The following DMD variants were observed in gnomAD, a reference collection of about 807,000 sequenced individuals.
DMD encodes mutant dystrophin.
DMD carries 63 observed loss-of-function variants against 330.1 expected under a neutral mutation model. The ratio of observed to expected loss-of-function variants is 0.19; its 90% confidence interval spans 0.16 to 0.24. The LOEUF (loss-of-function observed/expected upper bound fraction) is 0.24. DMD is among the 10% of genes least tolerant of loss of function. The pLI, the probability that DMD is intolerant of heterozygous loss-of-function variation, is 1.00. For synonymous variants in DMD, 1,223 were observed against 959.8 expected (o/e 1.27, Z -5.07); for missense variants, 3,344 against 2,684.1 (o/e 1.25, Z -5.43).
chrX:31,788,881 TG>T (rs1347117720), intron 50 of DMD, among the ~76,000 whole-genome samples: 2 of 111,053 alleles, frequency 1.8e-5, no homozygotes, highest in Admixed American at 9.6e-5. Context: ...AATAGAAGTA[TG>T]GCTATCCCCA....
At chrX:32,470,920 TA>T (rs1366887842) in intron 22 of DMD, among the ~76,000 whole-genome samples, 5 of 112,291 alleles carry the variant, frequency 4.5e-5, no homozygotes, top group African/African-American at 1.6e-4. Flanking sequence ...TAAATATAAC[TA>T]ATACGTTTTC....
In DMD at chrX:32,217,059, A is replaced by C. The variant is rs1405580642; in HGVS notation, c.6295T>G (p.Phe2099Val). ...NKMYKDRQGRFDRSVEKWRRF... is the reference protein window; with the variant it reads ...NKMYKDRQGRVDRSVEKWRRF... Reference sequence around the variant, plus strand: ...CGCCATTTCTCAACAGATCTGTCAAATCGCCTGCAGGTAAAAGCATATGGA... The same window carrying C: ...CGCCATTTCTCAACAGATCTGTCAACTCGCCTGCAGGTAAAAGCATATGGA... Residue 2099 changes from phenylalanine (F) to valine (V), a missense_variant, in exon 44 of 79, where the codon TTT (phenylalanine) becomes GTT (valine). Physicochemically the swap from Phe to Val is conservative, Grantham distance 50. Transcript: ENST00000357033. 1.7e-6 allele frequency: 2 copies of C among 1,207,082 alleles called. No homozygotes were observed. The highest frequency in any genetic ancestry group is 4.6e-4 in the Middle Eastern group (2 of 4,336).
At chrX:32,661,480 T>A (rs944743714) in intron 9 of DMD, among the ~76,000 whole-genome samples, 2 of 111,807 alleles carry the variant, frequency 1.8e-5, no homozygotes, top group African/African-American at 6.5e-5. Context: ...AGTATCTGTC[T>A]CACGAAATCC....
At chrX:32,547,084 C>G (rs1320432372) in intron 16 of DMD, among the ~76,000 whole-genome samples, 2 of 110,494 alleles carry the variant, frequency 1.8e-5, no homozygotes, top group African/African-American at 6.6e-5. Context: ...TTTTTTTAAC[C>G]ATGAGCACAC....
At chrX:31,458,131 ATCT>A (rs1021997124) in intron 59 of DMD, among the ~76,000 whole-genome samples, 1 of 111,569 alleles carries the variant, frequency 9.0e-6, no homozygotes, top group African/African-American at 3.3e-5. Flanking sequence ...ATAATGGTTC[ATCT>A]TCTTTTCATC....
At chrX:33,102,117 C>A (rs1371415197) in intron 1 of DMD, among the ~76,000 whole-genome samples, 1 of 111,864 alleles carries the variant, frequency 8.9e-6, no homozygotes, top group Admixed American at 9.6e-5. Flanking sequence ...ACTTCATAGA[C>A]TGTCACGTTT....
In DMD at chrX:31,707,136, G is replaced by A. The variant is rs757987082; in HGVS notation, c.7660+22495C>T. Among the ~76,000 whole-genome samples, 346 of 108,893 alleles carry A rather than the reference G, an allele frequency of 3.2e-3. 1 individual carries two copies. Among genetic ancestry groups the A allele is most frequent in the Middle Eastern group, 9.5e-3 (2 of 210 alleles). 94.6% of individuals were successfully genotyped at this position (108,893 alleles called of 115,157 possible). A position where few individuals can be genotyped will look rare whatever the true frequency, so the allele number is the denominator to read the frequency against. On this transcript the variant is annotated intron_variant, in intron 52 of 78. Transcript: ENST00000357033. ...TGTTTAATAAGCTAACCGTTATTTG[G>A]AACCTAATGAAAGGATTTTTTTCCC...
intron 63 of DMD, among the ~76,000 whole-genome samples, chrX:31,224,394 G>A (rs1013562136): frequency 6.3e-5 from 7 of 111,808 alleles, no homozygotes; most frequent in African/African-American, 2.3e-4. Flanking sequence ...TATGGCCATC[G>A]CAGAGACCAA....
At chrX:32,225,385 G>A (rs1330393752) in intron 43 of DMD, among the ~76,000 whole-genome samples, 1 of 111,815 alleles carries the variant, frequency 8.9e-6, no homozygotes, top group African/African-American at 3.2e-5. Flanking sequence ...AATCTAGGCT[G>A]ATTATGACAT....
At chrX:32,789,117 A>C (rs887328753) in intron 7 of DMD, among the ~76,000 whole-genome samples, 5 of 112,431 alleles carry the variant, frequency 4.4e-5, no homozygotes, top group African/African-American at 1.6e-4. Flanking sequence ...AATAAATAGA[A>C]GAAGGAATGA....
At chrX:31,919,494 T>C (rs1244304918) in intron 47 of DMD, among the ~76,000 whole-genome samples, 2 of 112,011 alleles carry the variant, frequency 1.8e-5, no homozygotes, top group Admixed American at 1.9e-4. Flanking sequence ...TTTCTTGAAA[T>C]ACCCTTTTGA....
rs564900100 is a variant in DMD, at chrX:32,755,865, T to A, written c.649+53628A>T. Among the ~76,000 whole-genome samples, 9 of 112,210 alleles carry A rather than the reference T, an allele frequency of 8.0e-5. No individual in the cohort carries two copies. The South Asian group carries it at 2.9e-3, about 36-fold the overall frequency. On this transcript the variant is annotated intron_variant, in intron 7 of 78. Transcript: ENST00000357033. Reference sequence around the variant, plus strand: ...AGCAGGGTATGGGTTTCGCTTGTGCTATATTAACTGCTCCACTGGAGCAAA... The same window carrying A: ...AGCAGGGTATGGGTTTCGCTTGTGCAATATTAACTGCTCCACTGGAGCAAA...
chrX:31,938,106 G>C (rs749607934), intron 45 of DMD, among the ~76,000 whole-genome samples: 3 of 111,364 alleles, frequency 2.7e-5, no homozygotes, highest in African/African-American at 9.8e-5. Context: ...ATTTTCTGTC[G>C]GGCTACTCTT....
intron 54 of DMD, among the ~76,000 whole-genome samples, chrX:31,646,478 G>A (rs987662128): frequency 1.2e-4 from 13 of 111,490 alleles, no homozygotes; most frequent in African/African-American, 4.2e-4. Flanking sequence ...GGATGGGGTA[G>A]GACCTACAAA....
At chrX:32,809,934 AAAAAAAAAAAAAG>A (rs1200064152) in intron 6 of DMD, among the ~76,000 whole-genome samples, 109 of 95,339 alleles carry the variant, frequency 1.1e-3, no homozygotes, top group African/African-American at 3.8e-3. Context: ...AAAAAAAAAA[AAAAAAAAAAAAAG>A]AAAGAAAGAA....
intron 55 of DMD, among the ~76,000 whole-genome samples, chrX:31,513,860 C>T (rs2071913424): frequency 9.0e-6 from 1 of 111,494 alleles, no homozygotes; most frequent in African/African-American, 3.3e-5. Context: ...TCTTCATTTT[C>T]CATATAAGAT....
At position 31,510,674 on chromosome X, in the gene DMD, A is replaced by AT. The variant is rs770283472; in HGVS notation, c.8218-3222dup. On this transcript the variant is annotated intron_variant, in intron 55 of 78. Coordinates refer to ENST00000357033, the MANE Select transcript of DMD (RefSeq NM_004006.3). ...AGGCGCCCGCCACCACGCCTGGCTA[A>AT]TTTTTTTTGTATTTTTAGTAGAAAC... 5.0e-3 allele frequency among the ~76,000 whole-genome samples: 541 copies of AT among 108,076 alleles called. 3 individuals carry two copies. The highest frequency in any genetic ancestry group is 0.012 in the South Asian group (30 of 2,419). 93.9% of individuals were successfully genotyped at this position (108,076 alleles called of 115,157 possible).
intron 1 of DMD, among the ~76,000 whole-genome samples, chrX:33,059,885 T>C (rs1351932770): frequency 1.8e-4 from 20 of 112,089 alleles, no homozygotes; most frequent in Non-Finnish European, 3.2e-4. Flanking sequence ...AATCAATGTA[T>C]TAAATTTTCA....
At chrX:31,766,873 T>TTGTGTGTGTGTGTGTGTG (rs756777827) in intron 51 of DMD, among the ~76,000 whole-genome samples, 2,471 of 101,024 alleles carry the variant, frequency 0.024, 49 homozygotes, top group Admixed American at 0.07. Context: ...AAATATGATT[T>TTGTGTGTGTGTGTGTGTG]TGTGTGTGTG....
Sources: allele counts gnomAD v4.1 joint callset (sites outside exome capture counted in the v4.1 genomes callset), GRCh38; gene constraint gnomAD v4.1.1; transcripts MANE v1.5; gene names NCBI Gene and HGNC (gene_info 2026-07-23, HGNC 2026-07-21).